The following VAC14 variants were observed in gnomAD, a reference collection of about 807,000 sequenced individuals.
VAC14 encodes the protein protein VAC14 homolog.
VAC14 carries 47 observed loss-of-function variants against 85.3 expected under a neutral mutation model. The observed-to-expected ratio is 0.55, with a 90% confidence interval of 0.44 to 0.70. The LOEUF is 0.70. Ranked by LOEUF, VAC14 falls within the 30% of genes least tolerant of loss-of-function variation. The pLI is 0.00. For missense variants in VAC14, 861 were observed against 1,004.3 expected (o/e 0.86, Z 1.93); for synonymous variants, 447 against 430.5 (o/e 1.04, Z -0.47).
intron 14 of VAC14, among the ~76,000 whole-genome samples, chr16:70,723,773 C>G (rs192080762): frequency 1.2e-4 from 18 of 152,282 alleles, no homozygotes; most frequent in African/African-American, 4.3e-4. Flanking sequence ...CAACAAAGAA[C>G]GTGCTTTTAG....
At chr16:70,764,225 T>C (rs953688786) in intron 10 of VAC14, among the ~76,000 whole-genome samples, 1 of 152,182 alleles carries the variant, frequency 6.6e-6, no homozygotes, top group African/African-American at 2.4e-5. Context: ...TTTAATATGG[T>C]TTGATGATCC....
chr16:70,780,649 G>A (rs892465023), intron 9 of VAC14, 141 bp downstream of exon 9: 131 of 1,088,762 alleles, frequency 1.2e-4, no homozygotes, highest in Non-Finnish European at 1.6e-4. Context: ...CTGCCACTGC[G>A]CTGGGTTGCT....
intron 9 of VAC14, chr16:70,772,805 A>C (rs1428694930): frequency 6.6e-6 from 1 of 152,272 alleles, no homozygotes; most frequent in Admixed American, 6.5e-5. Context: ...TATCTACAAT[A>C]GCCAAAAAGC....
At chr16:70,783,924 T>A (rs2033930627) in intron 5 of VAC14, among the ~76,000 whole-genome samples, 189 bp downstream of exon 5, 1 of 152,152 alleles carries the variant, frequency 6.6e-6, no homozygotes, top group Admixed American at 6.5e-5. Flanking sequence ...AAGAACCTGA[T>A]CCCTTCAGGG....
intron 12 of VAC14, chr16:70,761,004 T>TGC: frequency 3.1e-6 from 1 of 321,156 alleles, no homozygotes; most frequent in South Asian, 2.1e-5. Context: ...TGTGTGTGTG[T>TGC]GTGTGTGTGT....
chr16:70,786,220 C>T lies in VAC14; in HGVS notation c.250G>A (p.Gly84Ser). Reference sequence around the variant, plus strand: ...CCCTTGGGTGAAAGGCCCACCTTGCCCAGTGCGATGGAGCAGGCGGCCAGG... The same window carrying T: ...CCCTTGGGTGAAAGGCCCACCTTGCTCAGTGCGATGGAGCAGGCGGCCAGG... ...IGLAACSIAL[G>S]KDSGLYLKEL... is the part of the protein sequence containing the mutation. Residue 84 changes from glycine (G) to serine (S), a missense_variant, in exon 2 of 19, where the codon GGC (glycine) becomes AGC (serine). This residue lies in a region of VAC14 where 629 missense variants were observed against 703.1 expected (regional missense o/e 0.89). Transcript: ENST00000261776. 1.9e-6 allele frequency: 3 copies of T among 1,614,018 alleles called. No individual in the cohort carries two copies. The Admixed American group carries it at 5.0e-5, about 27-fold the overall frequency.
intron 14 of VAC14, chr16:70,699,528 A>G (rs2053781189): frequency 1.3e-5 from 2 of 152,184 alleles, no homozygotes; most frequent in Admixed American, 6.5e-5. Context: ...GTTCAGGGCT[A>G]AGGATCGGAC....
At chr16:70,698,446 C>T (rs997927837) in intron 15 of VAC14, among the ~76,000 whole-genome samples, 191 bp downstream of exon 15, 26 of 152,172 alleles carry the variant, frequency 1.7e-4, no homozygotes, top group Admixed American at 1.7e-3. Flanking sequence ...GGTGACGTGA[C>T]GCACCCATGG....
chr16:70,729,012 T>C (rs2054510977), intron 14 of VAC14, among the ~76,000 whole-genome samples: 1 of 152,194 alleles, frequency 6.6e-6, no homozygotes, highest in Non-Finnish European at 1.5e-5. Context: ...AATCTTCCTC[T>C]TTTGGCCAAT....
chr16:70,690,894 AG>A (rs912323502), intron 18 of VAC14: 30 of 985,360 alleles, frequency 3.0e-5, no homozygotes, highest in African/African-American at 3.0e-4. Context: ...ATTGAAGGCT[AG>A]GGGGTGTCTC....
rs146202088 is a variant in VAC14, at chr16:70,697,198, C to A, written c.1896G>T (p.Thr632=). ...YRSWCHNPVT[T]VSLCFLTQNY... ...TCTGGGTGAGGAAGCAGAGGGACAC[C>A]GTGGTGACTGGGTTGTGGCACCAGG... The change falls in exon 16 of 19, where the codon ACG becomes ACT. Residue 632 remains threonine (T), a synonymous_variant. Coordinates refer to ENST00000261776, the MANE Select transcript of VAC14 (RefSeq NM_018052.5). 8.7e-6 allele frequency: 14 copies of A among 1,614,022 alleles called. No homozygotes were observed. The Admixed American group carries it at 2.3e-4, about 27-fold the overall frequency.
intron 12 of VAC14, 172 bp from the exon 13 acceptor site, chr16:70,744,751 G>A: frequency 4.5e-6 from 3 of 670,108 alleles, no homozygotes; most frequent in African/African-American, 1.9e-5. Flanking sequence ...TCAGAAAAGT[G>A]AAACAAAGTA....
chr16:70,708,349 C>T (rs755729835), intron 14 of VAC14, among the ~76,000 whole-genome samples: 2 of 152,186 alleles, frequency 1.3e-5, no homozygotes, highest in Non-Finnish European at 2.9e-5. Flanking sequence ...GCTTGTAGGA[C>T]AGAAAATTAA....
intron 15 of VAC14, among the ~76,000 whole-genome samples, chr16:70,697,906 C>T (rs994276373): frequency 2.0e-5 from 3 of 152,162 alleles, no homozygotes; most frequent in African/African-American, 2.4e-5. Flanking sequence ...GGGTCTGAGC[C>T]GGCAGGGGAC....
Position 70,801,105 on chromosome 16 carries a change from A to C in VAC14, c.-205T>G. 8 of 423,210 alleles carry C rather than the reference A, an allele frequency of 1.9e-5. No individual in the cohort carries two copies. The highest frequency in any genetic ancestry group is 2.9e-5 in the Non-Finnish European group (7 of 241,142). The allele number at this position is 423,210 out of a possible 1,614,324, so 26.2% of individuals were successfully genotyped here. On this transcript the variant is annotated 5_prime_UTR_variant, in exon 1 of 19. Transcript: ENST00000261776. ...CACACCTGACCCTGGCCGCTTAACA[A>C]CTCCCGCCCGGCACTAGCGGGACTC...
chr16:70,702,156 G>A (rs564782099), intron 14 of VAC14, among the ~76,000 whole-genome samples: 1 of 152,350 alleles, frequency 6.6e-6, no homozygotes, highest in South Asian at 2.1e-4. Flanking sequence ...TGCCCAGGCA[G>A]GCCTTTTTGT....
intron 10 of VAC14, among the ~76,000 whole-genome samples, chr16:70,765,629 G>A (rs2032748607): frequency 6.6e-6 from 1 of 152,168 alleles, no homozygotes. Flanking sequence ...TGATCAGTCT[G>A]ACTCCAGAAT....
chr16:70,745,523 G>A (rs1383148040), intron 12 of VAC14, among the ~76,000 whole-genome samples: 1 of 137,630 alleles, frequency 7.3e-6, no homozygotes, highest in African/African-American at 3.4e-5. Flanking sequence ...GTGTGTGCGC[G>A]TGTGCGCGCG....
intron 12 of VAC14, chr16:70,747,471 T>A (rs1480465837): frequency 6.7e-6 from 1 of 148,714 alleles, no homozygotes; most frequent in African/African-American, 2.6e-5. Context: ...GTCGTTTTTA[T>A]GAATTTTATG....
Sources: allele counts gnomAD v4.1 joint callset (sites outside exome capture counted in the v4.1 genomes callset), GRCh38; gene constraint gnomAD v4.1.1; regional missense constraint gnomAD v4.1.1; transcripts MANE v1.5; gene names NCBI Gene and HGNC (gene_info 2026-07-23, HGNC 2026-07-21).